TIA1: variants seen among roughly 807,000 people sequenced by gnomAD.
TIA1 encodes cytotoxic granule associated RNA binding protein TIA1.
In TIA1, 23 loss-of-function variants were observed where a neutral mutation model predicts 65.9. That is an observed-to-expected ratio of 0.35 (90% confidence interval 0.25 to 0.49). The LOEUF (loss-of-function observed/expected upper bound fraction) is 0.49. TIA1 is among the 20% of genes least tolerant of loss of function. The pLI, the probability that TIA1 is intolerant of heterozygous loss-of-function variation, is 0.98. For synonymous variants in TIA1, 147 were observed against 149.4 expected, an observed-to-expected ratio of 0.98 and a Z score of 0.12; for missense variants, 371 against 477.9, an observed-to-expected ratio of 0.78 and a Z score of 2.09.
At chr2:70,238,735 A>G (rs902129392) in intron 1 of TIA1, among the ~76,000 whole-genome samples, 2 of 152,112 alleles carry the variant, frequency 1.3e-5, no homozygotes, top group African/African-American at 4.8e-5. Context: ...TTACAAGACC[A>G]TAAGACTGTG....
At chr2:70,215,313 A>G in intron 11 of TIA1, 58 bp downstream of exon 11, 1 of 1,600,782 alleles carries the variant, frequency 6.2e-7, no homozygotes, top group Non-Finnish European at 8.5e-7. Context: ...AACAATCTTC[A>G]CCTTAAAATA....
chr2:70,234,131 C>T (rs1687754936), intron 2 of TIA1, among the ~76,000 whole-genome samples: 1 of 152,132 alleles, frequency 6.6e-6, no homozygotes, highest in African/African-American at 2.4e-5. Context: ...AGCAGGCAAA[C>T]CAACAGAGAA....
chr2:70,231,151 A>C (rs1168273608), intron 2 of TIA1, among the ~76,000 whole-genome samples: 1 of 151,956 alleles, frequency 6.6e-6, no homozygotes, highest in African/African-American at 2.4e-5. Context: ...AAAATACAAA[A>C]ATTAACCAGG....
In TIA1 at chr2:70,228,909, C is replaced by A. The variant is rs1205619410; in HGVS notation, c.310+150G>T. 4 of 1,474,634 alleles carry A rather than the reference C, an allele frequency of 2.7e-6. No homozygotes were observed. In the African/African-American group the frequency reaches 4.3e-5, roughly 16 times the overall value. 91.3% of individuals were successfully genotyped at this position (1,474,634 alleles called of 1,614,324 possible). ...GCGGACAAGTTATACTTGGTCAACA[C>A]TGAGAAGGGAGAAAAGTATTGCTAG... is the stretch of plus-strand genomic sequence containing the variant. On this transcript the variant is annotated intron_variant, in intron 5 of 12. Coordinates refer to ENST00000433529, the MANE Select transcript of TIA1 (RefSeq NM_022173.4).
chr2:70,237,890 G>A (rs966268099), intron 1 of TIA1, among the ~76,000 whole-genome samples: 3 of 151,632 alleles, frequency 2.0e-5, no homozygotes, highest in East Asian at 2.0e-4. Context: ...GGCTGGGTGC[G>A]GTGGCTCATG....
At chr2:70,231,039 C>T (rs1686035089) in intron 2 of TIA1, among the ~76,000 whole-genome samples, 185 bp from the exon 3 acceptor site, 1 of 152,138 alleles carries the variant, frequency 6.6e-6, no homozygotes, top group African/African-American at 2.4e-5. Flanking sequence ...GTGGCTCACA[C>T]CTGTAATCCC....
intron 1 of TIA1, among the ~76,000 whole-genome samples, chr2:70,238,725 T>C (rs1249615751): frequency 6.6e-6 from 1 of 151,952 alleles, no homozygotes; most frequent in African/African-American, 2.4e-5. Flanking sequence ...AAATCGTGCA[T>C]TACAAGACCA....
intron 2 of TIA1, among the ~76,000 whole-genome samples, chr2:70,233,550 T>C (rs1040736664): frequency 5.9e-5 from 9 of 152,058 alleles, no homozygotes; most frequent in Admixed American, 4.6e-4. Context: ...GGGCGGATCA[T>C]GACATCAGGA....
At chr2:70,220,269 A>G (rs1361753707) in intron 7 of TIA1, among the ~76,000 whole-genome samples, 2 of 152,112 alleles carry the variant, frequency 1.3e-5, no homozygotes, top group Non-Finnish European at 2.9e-5. Flanking sequence ...TTAGCTGGGC[A>G]TGGTGTTGCA....
Position 70,210,272 on chromosome 2 carries a change from T to C in TIA1, c.*2447A>G, listed in dbSNP as rs529234958. The C allele has an allele frequency of 6.6e-6, 1 of 152,222 alleles. No homozygotes were observed. The allele number at this position is 152,222 out of a possible 1,614,324, so 9.4% of individuals were successfully genotyped here. On this transcript the variant is annotated 3_prime_UTR_variant, in exon 13 of 13. Transcript: ENST00000433529. ...TAAAGAATACTGGATTAATCACCCATTAAGTGTAAATCACTTCAGGTTCTT... is the reference window on the plus strand; with the variant it reads ...TAAAGAATACTGGATTAATCACCCACTAAGTGTAAATCACTTCAGGTTCTT...
chr2:70,214,233 T>C (rs1365353516), intron 12 of TIA1, 116 bp downstream of exon 12: 28 of 1,139,906 alleles, frequency 2.5e-5, no homozygotes, highest in African/African-American at 1.1e-4. Flanking sequence ...TTCAAGGCTA[T>C]AGTTACGCTT....
chr2:70,235,917 T>C (rs553844434), intron 2 of TIA1, among the ~76,000 whole-genome samples, 162 bp downstream of exon 2: 1 of 152,230 alleles, frequency 6.6e-6, no homozygotes, highest in East Asian at 1.9e-4. Context: ...AAAATCCCTA[T>C]TAACTTAGAA....
chr2:70,217,414 T>TC (rs1404608577), intron 7 of TIA1, among the ~76,000 whole-genome samples: 1 of 151,774 alleles, frequency 6.6e-6, no homozygotes, highest in Non-Finnish European at 1.5e-5. Context: ...CTTTTTTTTT[T>TC]CTTTTTTAAG....
intron 6 of TIA1, among the ~76,000 whole-genome samples, chr2:70,225,649 T>C (rs1161261859): frequency 6.6e-6 from 1 of 152,204 alleles, no homozygotes; most frequent in African/African-American, 2.4e-5. Flanking sequence ...TTTAGATCAA[T>C]CTGAGTGATT....
rs138600683 is a variant in TIA1 at position 70,232,854 on chromosome 2, C to T, written c.124-2000G>A. Among the ~76,000 whole-genome samples, 991 of 151,148 alleles carry T rather than the reference C, an allele frequency of 6.6e-3. 12 individuals are homozygous for T. The highest frequency in any genetic ancestry group is 0.023 in the African/African-American group (946 of 41,136). On this transcript the variant is annotated intron_variant, in intron 2 of 12. Transcript: ENST00000433529. ...ACTGGATTCCAGTCTGGGCGCACAGCGAGACTCTGTCTCAAAAAAAAAAAC... is the reference window on the plus strand; with the variant it reads ...ACTGGATTCCAGTCTGGGCGCACAGTGAGACTCTGTCTCAAAAAAAAAAAC...
At chr2:70,220,351 G>C (rs542691493) in intron 7 of TIA1, among the ~76,000 whole-genome samples, 75 of 152,254 alleles carry the variant, frequency 4.9e-4, no homozygotes, top group Non-Finnish European at 8.8e-4. Flanking sequence ...CAAGGCTGCA[G>C]TGAGTTGTGA....
intron 1 of TIA1, among the ~76,000 whole-genome samples, chr2:70,248,088 G>T (rs1695263551): frequency 2.0e-5 from 3 of 152,188 alleles, no homozygotes; most frequent in Admixed American, 1.3e-4. Context: ...AGGAAGGTTC[G>T]ACGAGTTCTA....
chr2:70,244,998 A>G (rs1308474522), intron 1 of TIA1, among the ~76,000 whole-genome samples: 1 of 151,952 alleles, frequency 6.6e-6, no homozygotes, highest in African/African-American at 2.4e-5. Flanking sequence ...GTATATAGCA[A>G]TTAATTGGGC....
At chr2:70,234,261 A>C (rs1687818624) in intron 2 of TIA1, among the ~76,000 whole-genome samples, 1 of 152,204 alleles carries the variant, frequency 6.6e-6, no homozygotes, top group South Asian at 2.1e-4. Flanking sequence ...CAATGTATTA[A>C]AGTAACTGAC....
Sources: allele counts gnomAD v4.1 joint callset (sites outside exome capture counted in the v4.1 genomes callset), GRCh38; gene constraint gnomAD v4.1.1; transcripts MANE v1.5; gene names NCBI Gene and HGNC (gene_info 2026-07-23, HGNC 2026-07-21).